The following COA8 variants were observed in gnomAD, a reference collection of about 807,000 sequenced individuals.
COA8 encodes the protein cytochrome c oxidase assembly factor 8.
Under a neutral mutation model 22.0 loss-of-function variants are expected in COA8, and 20 were observed. The ratio of observed to expected loss-of-function variants is 0.91; its 90% confidence interval spans 0.64 to 1.32. The LOEUF (loss-of-function observed/expected upper bound fraction) is 1.32, where lower values mean the gene tolerates loss of function less well. Ranked by LOEUF, COA8 falls within the 40% of genes most tolerant of loss-of-function variation. COA8 has a pLI of 0.00. For synonymous variants in COA8, 105 were observed against 79.9 expected (o/e 1.31, Z -1.68); for missense variants, 266 against 230.0 (o/e 1.16, Z -1.01).
chr14:103,586,833 T>C lies in COA8; in HGVS notation c.386-441T>C, dbSNP rs577994652. On this transcript the variant is annotated intron_variant, in intron 3 of 4. Transcript: ENST00000409074. ...ATCCACCTGCCTCGGCCTCCCAAAG[T>C]GCTAGGATTACAGGCGTGAGTCACC... Among the ~76,000 whole-genome samples the C allele has an allele frequency of 2.4e-4, 36 of 152,108 alleles. No individual in the cohort carries two copies. The South Asian group carries it at 7.5e-3, about 32-fold the overall frequency.
chr14:103,583,991 G>A (rs974079006), intron 3 of COA8, among the ~76,000 whole-genome samples: 3 of 152,222 alleles, frequency 2.0e-5, no homozygotes, highest in Non-Finnish European at 2.9e-5. Flanking sequence ...GGGGGCATGC[G>A]GAGCCCCTGC....
Position 103,562,995 on chromosome 14 carries a change from T to G in COA8, c.-7T>G, listed in dbSNP as rs1313946521. 7.1e-6 allele frequency: 11 copies of G among 1,549,504 alleles called. No individual in the cohort carries two copies. The Admixed American group carries it at 1.7e-4, about 23-fold the overall frequency. ...CGTGCGCCGCGGGAGCCAGGGGGCG[T>G]GGGGCCATGGTGGTCTTGCGGGCGG... On this transcript the variant is annotated 5_prime_UTR_variant, in exon 1 of 5. Transcript: ENST00000409074.
At chr14:103,584,041 T>G (rs2076287940) in intron 3 of COA8, among the ~76,000 whole-genome samples, 1 of 152,076 alleles carries the variant, frequency 6.6e-6, no homozygotes, top group Admixed American at 6.6e-5. Flanking sequence ...ACCTTTTGTT[T>G]GTTTGTTTGT....
At chr14:103,583,541 CAAAAAAAA>C (rs35726464) in intron 3 of COA8, among the ~76,000 whole-genome samples, 7 of 53,086 alleles carry the variant, frequency 1.3e-4, no homozygotes, top group African/African-American at 2.3e-4. Context: ...GACTCGATCT[CAAAAAAAA>C]AAAAAAAAAA....
At position 103,574,110 on chromosome 14, in the gene COA8, AAAG is replaced by A. The variant is rs587777787; in HGVS notation, c.331_333del (p.Glu111del). On this transcript the variant is annotated inframe_deletion, in exon 3 of 5. Coordinates refer to ENST00000409074, the MANE Select transcript of COA8 (RefSeq NM_001370595.2). ...TTTTTTTTTTTTTTTTTTTAAGGAA[AAAG>A]AAGAATTTATTCACTCAAGACTAAA... 1.1e-5 allele frequency: 17 copies of A among 1,530,732 alleles called. No homozygotes were observed. Among genetic ancestry groups the A allele is most frequent in the Admixed American group, 8.7e-5 (4 of 46,054 alleles). The allele number at this position is 1,530,732 out of a possible 1,614,324, so 94.8% of individuals were successfully genotyped here. A position where few individuals can be genotyped will look rare whatever the true frequency, so the allele number is the denominator to read the frequency against.
In COA8 at chr14:103,590,184, T is replaced by C. The variant is rs2076340119; in HGVS notation, c.480T>C (p.Asp160=). ...TGCATCCTCTGTTTCTCTACAGAGA[T>C]TGGTACAAGCGCAATTTTGCCATCA... ...NFQKHMYYNR[D]WYKRNFAITF... is the part of the protein sequence containing the mutation. Residue 160 remains aspartate, a synonymous_variant, in exon 5 of 5, where the codon GAT becomes GAC. Transcript: ENST00000409074. The C allele has an allele frequency of 1.2e-6, 2 of 1,613,852 alleles. No individual in the cohort carries two copies. Among genetic ancestry groups the C allele is most frequent in the Non-Finnish European group, 1.7e-6 (2 of 1,179,814 alleles).
chr14:103,583,918 G>T lies in COA8; in HGVS notation c.386-3356G>T, dbSNP rs796435933. 2.6e-5 allele frequency among the ~76,000 whole-genome samples: 4 copies of T among 152,348 alleles called. No homozygotes were observed. The South Asian group carries it at 6.2e-4, about 24-fold the overall frequency. On this transcript the variant is annotated intron_variant, in intron 3 of 4. Transcript: ENST00000409074. ...GAAAGGTGTTTTACTTACTCTTAGC[G>T]GTTTATTATTAAGGATACAACTCAG...
chr14:103,563,278 C>A, intron 1 of COA8, 154 bp downstream of exon 1: 1 of 1,050,216 alleles, frequency 9.5e-7, no homozygotes, highest in Non-Finnish European at 1.4e-6. Flanking sequence ...AGCCCCGAGG[C>A]TCCCGCATCA....
At chr14:103,577,083 T>C (rs1020153660) in intron 3 of COA8, among the ~76,000 whole-genome samples, 9 of 152,206 alleles carry the variant, frequency 5.9e-5, no homozygotes, top group Non-Finnish European at 1.2e-4. Flanking sequence ...TATTTGTTTA[T>C]TTTTTTGAGA....
In COA8 at chr14:103,563,039, C is replaced by T. The variant is rs1289301649; in HGVS notation, c.38C>T (p.Pro13Leu). Residue 13 changes from proline to leucine, a missense_variant, in exon 1 of 5, where the codon CCC becomes CTC. Transcript: ENST00000409074. The stretch of plus-strand genomic sequence containing the variant: ...CGGGCGGGGAAGAAGACCTTTCTCC[C>T]CCCTCTCTGCCGCGCCTTCGCCTGC... ...VLRAGKKTFL[P>L]PLCRAFACRG... is the part of the protein sequence containing the mutation. The T allele has an allele frequency of 6.5e-7, 1 of 1,545,362 alleles. No homozygotes were observed. The highest frequency in any genetic ancestry group is 1.2e-5 in the South Asian group (1 of 85,150).
At chr14:103,585,137 CTAAA>C (rs558840250) in intron 3 of COA8, among the ~76,000 whole-genome samples, 2 of 149,786 alleles carry the variant, frequency 1.3e-5, no homozygotes, top group Admixed American at 1.3e-4. Flanking sequence ...GACTCTGTCT[CTAAA>C]TAAATAAATA....
intron 1 of COA8, among the ~76,000 whole-genome samples, chr14:103,568,600 CGT>C (rs2076155098): frequency 8.1e-6 from 1 of 124,104 alleles, no homozygotes; most frequent in Admixed American, 9.1e-5. Context: ...TATATGTATA[CGT>C]ATATATATAT....
intron 3 of COA8, among the ~76,000 whole-genome samples, chr14:103,579,644 C>T (rs1015299072): frequency 6.6e-6 from 1 of 151,422 alleles, no homozygotes; most frequent in Admixed American, 6.6e-5. Context: ...CCACCGCGCC[C>T]GGCCAAAAAT....
At chr14:103,574,341 C>G (rs2076215330) in intron 3 of COA8, 171 bp downstream of exon 3, 1 of 860,186 alleles carries the variant, frequency 1.2e-6, no homozygotes, top group Non-Finnish European at 1.9e-6. Context: ...ACCCAGTTCC[C>G]AGGCATGGCT....
intron 2 of COA8, among the ~76,000 whole-genome samples, chr14:103,572,071 G>A (rs2076192186): frequency 6.6e-6 from 1 of 151,676 alleles, no homozygotes; most frequent in African/African-American, 2.4e-5. Context: ...AGCTTGCAGT[G>A]AGCGGAGATT....
chr14:103,586,216 T>A (rs1595150075), intron 3 of COA8, among the ~76,000 whole-genome samples: 1 of 146,758 alleles, frequency 6.8e-6, no homozygotes, highest in East Asian at 2.0e-4. Flanking sequence ...TTTTTTTTTT[T>A]TTTTTTAACG....
intron 3 of COA8, chr14:103,574,660 G>T (rs888080566): frequency 5.7e-6 from 2 of 350,310 alleles, no homozygotes; most frequent in African/African-American, 2.2e-5. Context: ...TTGGGCTAAA[G>T]TGCCATTCCT....
chr14:103,583,368 G>A (rs779561000), intron 3 of COA8, among the ~76,000 whole-genome samples: 20 of 151,448 alleles, frequency 1.3e-4, no homozygotes, highest in Non-Finnish European at 2.7e-4. Flanking sequence ...GGTGAAACCC[G>A]ATCTCTACTA....
chr14:103,580,043 G>A (rs1162857247), intron 3 of COA8, among the ~76,000 whole-genome samples: 1 of 151,874 alleles, frequency 6.6e-6, no homozygotes, highest in Non-Finnish European at 1.5e-5. Flanking sequence ...AGTAATCCAG[G>A]GATGACTTAA....
Sources: gnomAD v4.1 joint callset for allele counts (sites outside exome capture counted in the v4.1 genomes callset) on GRCh38, gnomAD v4.1.1 for gene constraint, MANE v1.5 for transcripts, NCBI Gene and HGNC (gene_info 2026-07-23, HGNC 2026-07-21) for gene names.